Variants in DCLRE1C observed in about 807,000 individuals in gnomAD.
The protein encoded by DCLRE1C is protein artemis.
DCLRE1C carries 47 observed loss-of-function variants against 61.4 expected under a neutral mutation model. The observed-to-expected ratio is 0.77, with a 90% confidence interval of 0.61 to 0.98. DCLRE1C has a LOEUF of 0.98. Ranked by LOEUF, DCLRE1C falls within the 50% of genes least tolerant of loss-of-function variation. The pLI, the probability that DCLRE1C is intolerant of heterozygous loss-of-function variation, is 0.00. For synonymous variants in DCLRE1C, 337 were observed against 287.6 expected (o/e 1.17, Z -1.74); for missense variants, 858 against 816.0 (o/e 1.05, Z -0.63).
chr10:14,953,836 GC>G, intron 1 of DCLRE1C, 65 bp downstream of exon 1: 1 of 1,601,316 alleles, frequency 6.2e-7, no homozygotes. Flanking sequence ...TCCAGGGCCG[GC>G]CCCCTCCTGT....
chr10:14,920,294 T>G (rs1836884025), intron 12 of DCLRE1C: 1 of 739,866 alleles, frequency 1.4e-6, no homozygotes. Flanking sequence ...ATTTATCTTG[T>G]CATTCTAGGT....
intron 3 of DCLRE1C, among the ~76,000 whole-genome samples, chr10:14,943,660 C>G (rs1841228591): frequency 6.6e-6 from 1 of 152,198 alleles, no homozygotes; most frequent in African/African-American, 2.4e-5. Context: ...TCAAGCGATT[C>G]TCCTGCCTCA....
intron 13 of DCLRE1C, among the ~76,000 whole-genome samples, chr10:14,916,808 C>T (rs1172154994): frequency 1.3e-5 from 2 of 152,158 alleles, no homozygotes; most frequent in Admixed American, 6.5e-5. Flanking sequence ...TCTGAAAATT[C>T]AGTATTGTTA....
chr10:14,942,986 T>G (rs1416376680), intron 3 of DCLRE1C, among the ~76,000 whole-genome samples: 6 of 151,880 alleles, frequency 4.0e-5, no homozygotes, highest in Non-Finnish European at 8.8e-5. Flanking sequence ...ATTAGCCAGG[T>G]GTGGTGGTTC....
chr10:14,953,828 C>A (rs989544439), intron 1 of DCLRE1C, 74 bp downstream of exon 1: 1 of 1,595,542 alleles, frequency 6.3e-7, no homozygotes, highest in Non-Finnish European at 8.5e-7. Context: ...CTCCTTGCTC[C>A]AGGGCCGGCC....
intron 9 of DCLRE1C, among the ~76,000 whole-genome samples, chr10:14,929,056 A>G (rs1449908367): frequency 2.6e-5 from 4 of 152,208 alleles, no homozygotes; most frequent in Non-Finnish European, 5.9e-5. Flanking sequence ...TTGGAATTAC[A>G]GGCGAGAGCC....
At chr10:14,920,896 T>C (rs1320404701) in intron 12 of DCLRE1C, among the ~76,000 whole-genome samples, 2 of 151,118 alleles carry the variant, frequency 1.3e-5, no homozygotes, top group Non-Finnish European at 2.9e-5. Context: ...GGCAGGAAAA[T>C]CGCTTGAACC....
rs141509653 is a variant in DCLRE1C at position 14,899,424 on chromosome 10, A to C, written c.1157-112T>G. On this transcript the variant is annotated intron_variant, in intron 13 of 13. Transcript: ENST00000378289. ...TTGTGTGAATGTTTGCTTTGATGACACCTGAATTTCTTACTTTTTAAATAT... is the reference window on the plus strand; with the variant it reads ...TTGTGTGAATGTTTGCTTTGATGACCCCTGAATTTCTTACTTTTTAAATAT... 5.1e-3 allele frequency: 5,681 copies of C among 1,121,400 alleles called. 250 individuals carry two copies. The Admixed American group carries it at 0.086, about 17-fold the overall frequency. The allele number at this position is 1,121,400 out of a possible 1,614,324, so 69.5% of individuals were successfully genotyped here.
At chr10:14,901,750 G>C (rs890234718), downstream of DCLRE1C, among the ~76,000 whole-genome samples, 2 of 151,910 alleles carry the variant, frequency 1.3e-5, no homozygotes, top group South Asian at 4.2e-4. Flanking sequence ...AGGATGGCTT[G>C]AGACAGGGAG....
chr10:14,947,169 G>A (rs566481010), intron 2 of DCLRE1C, among the ~76,000 whole-genome samples: 2 of 152,178 alleles, frequency 1.3e-5, no homozygotes, highest in South Asian at 4.1e-4. Flanking sequence ...CCAACATCAC[G>A]CTACTGCACT....
At position 14,954,084 on chromosome 10, in the gene DCLRE1C, C is replaced by G. The variant is rs1178903534; in HGVS notation, c.-74G>C. 5.0e-6 allele frequency: 8 copies of G among 1,603,828 alleles called. No homozygotes were observed. In the Admixed American group the frequency reaches 1.4e-4, roughly 27 times the overall value. On this transcript the variant is annotated 5_prime_UTR_variant, in exon 1 of 14. Coordinates refer to ENST00000378278, the MANE Select transcript of DCLRE1C (RefSeq NM_001033855.3). The stretch of plus-strand genomic sequence containing the variant: ...AAGGCCAGCCCTGACCGCGCCGCCA[C>G]TTCCGGGAAGCCGCGCGCTGCCTCG...
intron 3 of DCLRE1C, among the ~76,000 whole-genome samples, chr10:14,943,092 G>A (rs573080642): frequency 7.2e-5 from 11 of 152,118 alleles, no homozygotes; most frequent in African/African-American, 1.7e-4. Flanking sequence ...ACGCCTCTGC[G>A]CTCCAGCCTG....
intron 12 of DCLRE1C, among the ~76,000 whole-genome samples, chr10:14,922,617 A>C (rs1006787011): frequency 6.6e-6 from 1 of 152,162 alleles, no homozygotes; most frequent in African/African-American, 2.4e-5. Flanking sequence ...TGCTTTTCTT[A>C]CACTATCTCC....
intron 11 of DCLRE1C, among the ~76,000 whole-genome samples, chr10:14,924,338 T>C (rs1208585650): frequency 6.6e-6 from 1 of 152,234 alleles, no homozygotes; most frequent in East Asian, 1.9e-4. Context: ...CTTGACTTTT[T>C]GCAAAGTTCA....
intron 1 of DCLRE1C, among the ~76,000 whole-genome samples, chr10:14,949,415 A>G (rs1158688352): frequency 6.6e-6 from 1 of 152,116 alleles, no homozygotes; most frequent in African/African-American, 2.4e-5. Context: ...TTTCAATCCA[A>G]CCATCCTTCG....
chr10:14,945,269 C>A, intron 2 of DCLRE1C, 80 bp from the exon 3 acceptor site: 1 of 1,457,648 alleles, frequency 6.9e-7, no homozygotes, highest in South Asian at 1.2e-5. Flanking sequence ...TTTCATCATA[C>A]ATCTAATAAT....
intron 3 of DCLRE1C, among the ~76,000 whole-genome samples, chr10:14,944,479 G>A (rs56387337): frequency 6.6e-6 from 1 of 151,940 alleles, no homozygotes; most frequent in Non-Finnish European, 1.5e-5. Flanking sequence ...AGCCTCGGCA[G>A]CAGAGCGAGA....
Position 14,926,830 on chromosome 10 carries a change from G to C in DCLRE1C, c.972+13C>G. On this transcript the variant is annotated intron_variant, in intron 11 of 13. Transcript: ENST00000378278. ...TGAGCGATAAGGGTTATGAGTATATGGGATCCTCTTACCTCACTGTAGGAG... is the reference window on the plus strand; with the variant it reads ...TGAGCGATAAGGGTTATGAGTATATCGGATCCTCTTACCTCACTGTAGGAG... 3 of 1,607,906 alleles carry C rather than the reference G, an allele frequency of 1.9e-6. No individual in the cohort carries two copies. The highest frequency in any genetic ancestry group is 2.6e-6 in the Non-Finnish European group (3 of 1,174,502).
intron 13 of DCLRE1C, among the ~76,000 whole-genome samples, chr10:14,918,390 A>G (rs1836550570): frequency 6.6e-6 from 1 of 152,204 alleles, no homozygotes; most frequent in South Asian, 2.1e-4. Context: ...ATATGATTCT[A>G]TTTATATGAA....
Sources: gnomAD v4.1 joint callset for allele counts (sites outside exome capture counted in the v4.1 genomes callset) on GRCh38, gnomAD v4.1.1 for gene constraint, MANE v1.5 for transcripts, NCBI Gene and HGNC (gene_info 2026-07-23, HGNC 2026-07-21) for gene names.